The following TCERG1L variants were observed in gnomAD, a reference collection of about 807,000 sequenced individuals.
TCERG1L encodes the protein transcription elongation regulator 1-like protein.
A neutral mutation model predicts 56.3 loss-of-function variants in TCERG1L; 37 were observed. The observed-to-expected ratio is 0.66, with a 90% confidence interval of 0.51 to 0.87. The LOEUF (loss-of-function observed/expected upper bound fraction) is 0.87, where lower values mean the gene tolerates loss of function less well. Among genes scored for constraint, TCERG1L ranks in the 40% least tolerant of loss-of-function variants. The pLI, the probability that TCERG1L is intolerant of heterozygous loss-of-function variation, is 0.00. For missense variants in TCERG1L, 799 were observed against 774.2 expected (o/e 1.03, Z -0.38); for synonymous variants, 324 against 326.3 (o/e 0.99, Z 0.08).
chr10:131,189,530 T>C (rs1030708633), intron 4 of TCERG1L, among the ~76,000 whole-genome samples: 4 of 152,234 alleles, frequency 2.6e-5, no homozygotes, highest in Non-Finnish European at 4.4e-5. Context: ...TATGGCTGAA[T>C]AGTATTCCAT....
At chr10:131,248,777 T>C (rs569165827) in intron 4 of TCERG1L, among the ~76,000 whole-genome samples, 3 of 152,312 alleles carry the variant, frequency 2.0e-5, no homozygotes, top group South Asian at 2.1e-4. Context: ...CCGGCAGAGC[T>C]GAGCCCCAGT....
At chr10:131,265,610 AAG>A (rs1316941495) in intron 3 of TCERG1L, among the ~76,000 whole-genome samples, 4 of 152,250 alleles carry the variant, frequency 2.6e-5, no homozygotes, top group Admixed American at 1.3e-4. Flanking sequence ...TATTGCGATA[AAG>A]AGAGTCAAGT....
intron 4 of TCERG1L, among the ~76,000 whole-genome samples, chr10:131,242,164 A>G (rs1363388060): frequency 6.6e-6 from 1 of 152,200 alleles, no homozygotes; most frequent in South Asian, 2.1e-4. Flanking sequence ...AGGTGGAGAT[A>G]ATACATTCGG....
At position 131,254,511 on chromosome 10, in the gene TCERG1L, T is replaced by C. The variant is rs192458518; in HGVS notation, c.856+5748A>G. On this transcript the variant is annotated intron_variant, in intron 4 of 11. Transcript: ENST00000368642. ...TGGGGGCTGTAAGCAAGGGCAGACT[T>C]GGCCTGACAAAGGTCCTTGAGAAGT... is the stretch of plus-strand genomic sequence containing the variant. Among the ~76,000 whole-genome samples the C allele has an allele frequency of 8.3e-3, 1,263 of 152,146 alleles. 23 individuals carry two copies. Among genetic ancestry groups the C allele is most frequent in the African/African-American group, 0.029 (1,185 of 41,530 alleles).
intron 8 of TCERG1L, among the ~76,000 whole-genome samples, chr10:131,130,884 T>C (rs1845611073): frequency 6.6e-6 from 1 of 152,114 alleles, no homozygotes; most frequent in Non-Finnish European, 1.5e-5. Context: ...CAGTGATCTC[T>C]GCATCCCTGC....
chr10:131,237,272 C>T (rs1008931645), intron 4 of TCERG1L, among the ~76,000 whole-genome samples: 2 of 152,130 alleles, frequency 1.3e-5, no homozygotes, highest in Admixed American at 6.5e-5. Context: ...AGTGCCAGCT[C>T]CCTCCAGCCT....
At chr10:131,168,630 C>T (rs768995631) in intron 4 of TCERG1L, among the ~76,000 whole-genome samples, 17 of 152,194 alleles carry the variant, frequency 1.1e-4, no homozygotes, top group South Asian at 2.1e-4. Flanking sequence ...ATCCAGTGAG[C>T]GGGTGGAGGA....
rs751844942 is a variant in TCERG1L, at chr10:131,260,377, AGCG to A, written c.735_737del (p.Ala247del). 24 of 1,496,314 alleles carry A rather than the reference AGCG, an allele frequency of 1.6e-5. No homozygotes were observed. Among genetic ancestry groups the A allele is most frequent in the African/African-American group, 2.9e-5 (2 of 67,850 alleles). 92.7% of individuals were successfully genotyped at this position (1,496,314 alleles called of 1,614,324 possible). A position where few individuals can be genotyped will look rare whatever the true frequency, so the allele number is the denominator to read the frequency against. ...TCTCAGGGTCCACGGAGACCATGGC[AGCG>A]GCGGCGGCGGTGGCGATGGCAATGG... On this transcript the variant is annotated inframe_deletion, in exon 4 of 12. Transcript: ENST00000368642. This position sits in a 1 kb window ranked among gnomAD's most constrained non-coding sequence, Gnocchi z 5.8.
At position 131,104,272 on chromosome 10, in the gene TCERG1L, C is replaced by T. The variant is rs746971194; in HGVS notation, c.1478G>A (p.Arg493Gln). Reference sequence around the variant, plus strand: ...GCCTTCCCACCCAGTTACCTGCTTTCGTTCCTCAGAGTTGAGCAGGAGATA... The same window carrying T: ...GCCTTCCCACCCAGTTACCTGCTTTTGTTCCTCAGAGTTGAGCAGGAGATA... ...PRYLLLNSEERKQIFEQFVKT... is the reference protein window; with the variant it reads ...PRYLLLNSEEQKQIFEQFVKT... Residue 493 changes from arginine (R) to glutamine (Q), a missense_variant, in exon 10 of 12, where the codon CGA becomes CAA. Arg to Gln is a conservative substitution (Grantham distance 43). Transcript: ENST00000368642. 4.5e-6 allele frequency: 7 copies of T among 1,548,078 alleles called. No homozygotes were observed. The highest frequency in any genetic ancestry group is 1.2e-5 in the South Asian group (1 of 83,858).
intron 8 of TCERG1L, among the ~76,000 whole-genome samples, chr10:131,130,198 G>A (rs1165251888): frequency 6.6e-6 from 1 of 152,054 alleles, no homozygotes; most frequent in East Asian, 1.9e-4. Context: ...CAAGGAGAGT[G>A]TGTGCGTGGG....
At chr10:131,172,547 G>C (rs543123979) in intron 4 of TCERG1L, among the ~76,000 whole-genome samples, 3 of 152,246 alleles carry the variant, frequency 2.0e-5, no homozygotes, top group African/African-American at 7.2e-5. Context: ...GTAGACTACA[G>C]CCATTATGAA....
rs1232705846 is a variant in TCERG1L, at chr10:131,260,982, G to A, written c.671-538C>T. ...TTTCCAGAGGGCACCAGGCTCAGCC[G>A]GGCCCTGCAGGGAGAGGGTGGACAG... is the stretch of plus-strand genomic sequence containing the variant. On this transcript the variant is annotated intron_variant, in intron 3 of 11. Transcript: ENST00000368642. This position sits in a 1 kb window ranked among gnomAD's most constrained non-coding sequence, Gnocchi z 5.8. Among the ~76,000 whole-genome samples, 7 of 151,976 alleles carry A rather than the reference G, an allele frequency of 4.6e-5. No individual in the cohort carries two copies. Among genetic ancestry groups the A allele is most frequent in the African/African-American group, 1.5e-4 (6 of 41,376 alleles).
intron 4 of TCERG1L, among the ~76,000 whole-genome samples, chr10:131,241,947 T>C (rs1845978821): frequency 6.6e-6 from 1 of 152,028 alleles, no homozygotes; most frequent in African/African-American, 2.4e-5. Context: ...GTCTCTCTCA[T>C]GGTAGGGTCA....
chr10:131,269,615 C>G (rs1347492522), intron 3 of TCERG1L, among the ~76,000 whole-genome samples: 3 of 152,194 alleles, frequency 2.0e-5, no homozygotes, highest in Non-Finnish European at 4.4e-5. Context: ...TTAACCTCCC[C>G]ATCTTATACA....
chr10:131,140,088 T>C (rs926503437), intron 7 of TCERG1L, among the ~76,000 whole-genome samples: 2 of 152,222 alleles, frequency 1.3e-5, no homozygotes, highest in African/African-American at 4.8e-5. Context: ...TGTTGGTGTG[T>C]AAGGCAAATT....
intron 4 of TCERG1L, among the ~76,000 whole-genome samples, chr10:131,217,968 C>A (rs1379123424): frequency 1.3e-5 from 2 of 152,120 alleles, no homozygotes; most frequent in African/African-American, 4.8e-5. Flanking sequence ...TCGTGATCTG[C>A]CCGTCTTGGC....
chr10:131,189,663 A>G (rs1458112937), intron 4 of TCERG1L, among the ~76,000 whole-genome samples: 1 of 152,086 alleles, frequency 6.6e-6, no homozygotes, highest in African/African-American at 2.4e-5. Flanking sequence ...TCTTTTTGGT[A>G]TATTGATTTC....
chr10:131,195,345 G>C (rs1413543480), intron 4 of TCERG1L, among the ~76,000 whole-genome samples: 1 of 152,172 alleles, frequency 6.6e-6, no homozygotes, highest in Non-Finnish European at 1.5e-5. Flanking sequence ...GGGCAGAAAG[G>C]CCTCGCTTAC....
At chr10:131,278,087 C>T (rs1846411746) in intron 3 of TCERG1L, among the ~76,000 whole-genome samples, 2 of 151,862 alleles carry the variant, frequency 1.3e-5, no homozygotes, top group South Asian at 4.2e-4. Context: ...GCTCCTGCCT[C>T]CCCCCGGGCC....
Sources: allele counts gnomAD v4.1 joint callset (sites outside exome capture counted in the v4.1 genomes callset), GRCh38; gene constraint gnomAD v4.1.1; non-coding constraint Gnocchi (gnomAD v3.1); transcripts MANE v1.5; gene names NCBI Gene and HGNC (gene_info 2026-07-23, HGNC 2026-07-21).